The following LOC128125817 variants were observed in gnomAD, a reference collection of about 807,000 sequenced individuals.
At chr1:41,587,938 G>C in the LOC128125817 span, among the ~76,000 whole-genome samples, 1 of 152,198 alleles carries the variant, frequency 6.6e-6, no homozygotes, top group African/African-American at 2.4e-5. Context: ...CGGCAAGAGG[G>C]AGTAAGGAAT....
chr1:41,600,629 G>A, the LOC128125817 span, among the ~76,000 whole-genome samples: 6 of 152,128 alleles, frequency 3.9e-5, no homozygotes, highest in Non-Finnish European at 7.4e-5. Flanking sequence ...GATTGGTTGC[G>A]CAGCAATGTG....
At chr1:41,617,110 C>G in the LOC128125817 span, among the ~76,000 whole-genome samples, 1 of 152,208 alleles carries the variant, frequency 6.6e-6, no homozygotes, top group African/African-American at 2.4e-5. Flanking sequence ...CTGTCTCAAT[C>G]TTGTTACAGC....
At chr1:41,585,346 A>AT in the LOC128125817 span, 1 of 399,000 alleles carries the variant, frequency 2.5e-6, no homozygotes. Context: ...ACACACACAG[A>AT]AATACACACA....
the LOC128125817 span, among the ~76,000 whole-genome samples, chr1:41,622,206 G>C: frequency 6.6e-6 from 1 of 152,214 alleles, no homozygotes; most frequent in Non-Finnish European, 1.5e-5. Context: ...CCCTCTCATG[G>C]AGAGACAGAT....
At chr1:41,594,543 T>A in the LOC128125817 span, among the ~76,000 whole-genome samples, 1 of 152,210 alleles carries the variant, frequency 6.6e-6, no homozygotes, top group Non-Finnish European at 1.5e-5. Flanking sequence ...TTTTAAAACC[T>A]GTTTCTTGAT....
At chr1:41,596,800 T>C in the LOC128125817 span, among the ~76,000 whole-genome samples, 1 of 152,190 alleles carries the variant, frequency 6.6e-6, no homozygotes, top group East Asian at 1.9e-4. Flanking sequence ...CCAAGGGCCC[T>C]GATCTTGGTC....
the LOC128125817 span, among the ~76,000 whole-genome samples, chr1:41,590,905 C>A: frequency 1.3e-5 from 2 of 152,276 alleles, no homozygotes; most frequent in South Asian, 4.1e-4. Flanking sequence ...TGAACCCTGG[C>A]TCCTCCACCT....
the LOC128125817 span, among the ~76,000 whole-genome samples, chr1:41,602,604 T>A: frequency 6.6e-6 from 1 of 152,120 alleles, no homozygotes; most frequent in African/African-American, 2.4e-5. Context: ...TTTATAATTT[T>A]ATTTATTTGA....
At chr1:41,604,410 A>C in the LOC128125817 span, among the ~76,000 whole-genome samples, 1 of 152,252 alleles carries the variant, frequency 6.6e-6, no homozygotes, top group Non-Finnish European at 1.5e-5. Flanking sequence ...AAGTAAAGGA[A>C]TTCAGACACA....
At chr1:41,602,705 C>T in the LOC128125817 span, among the ~76,000 whole-genome samples, 2 of 151,588 alleles carry the variant, frequency 1.3e-5, no homozygotes, top group Non-Finnish European at 2.9e-5. Flanking sequence ...TGATTTTTTT[C>T]CTATTGTTTT....
the LOC128125817 span, among the ~76,000 whole-genome samples, chr1:41,611,969 T>C: frequency 6.6e-6 from 1 of 152,282 alleles, no homozygotes; most frequent in South Asian, 2.1e-4. Context: ...CTCGCCCTTC[T>C]TGATGGCCCA....
chr1:41,623,485 C>A, the LOC128125817 span, among the ~76,000 whole-genome samples: 1 of 152,302 alleles, frequency 6.6e-6, no homozygotes, highest in South Asian at 2.1e-4. Context: ...AAAAATGTCC[C>A]TTTTCTATGG....
chr1:41,597,878 A>G, the LOC128125817 span, among the ~76,000 whole-genome samples: 4 of 152,224 alleles, frequency 2.6e-5, no homozygotes, highest in African/African-American at 9.6e-5. Context: ...TACCTCACCT[A>G]CACACATCTA....
the LOC128125817 span, among the ~76,000 whole-genome samples, chr1:41,624,032 T>C: frequency 0.62 from 94,294 of 152,068 alleles, 29,878 homozygotes; most frequent in African/African-American, 0.76. Context: ...CTGAGTTTGC[T>C]CATCAACAAC....
the LOC128125817 span, among the ~76,000 whole-genome samples, chr1:41,592,211 C>T: frequency 3.3e-5 from 5 of 152,180 alleles, no homozygotes; most frequent in Admixed American, 3.3e-4. Context: ...CCTGGAGTCA[C>T]CTTGGCTGCC....
At chr1:41,609,293 G>A in the LOC128125817 span, among the ~76,000 whole-genome samples, 3 of 152,204 alleles carry the variant, frequency 2.0e-5, no homozygotes, top group Non-Finnish European at 4.4e-5. Flanking sequence ...TGATGTTCCT[G>A]AACCTGGGCC....
chr1:41,614,089 G>A, the LOC128125817 span, among the ~76,000 whole-genome samples: 1 of 152,200 alleles, frequency 6.6e-6, no homozygotes, highest in Admixed American at 6.5e-5. Flanking sequence ...TGTGGCGTCC[G>A]GCAGCAGATG....
the LOC128125817 span, among the ~76,000 whole-genome samples, chr1:41,595,993 A>G: frequency 6.6e-6 from 1 of 152,164 alleles, no homozygotes; most frequent in African/African-American, 2.4e-5. Flanking sequence ...CCTCTAGAGA[A>G]CCCTGACTAA....
the LOC128125817 span, among the ~76,000 whole-genome samples, chr1:41,598,899 T>C: frequency 6.6e-6 from 1 of 151,968 alleles, no homozygotes; most frequent in African/African-American, 2.4e-5. Flanking sequence ...CACTGCAACC[T>C]CCACCTCCTG....
Sources: allele counts gnomAD v4.1 joint callset (sites outside exome capture counted in the v4.1 genomes callset), GRCh38; gene constraint gnomAD v4.1.1; transcripts MANE v1.5.